The following CEP112 variants were observed in gnomAD, a reference collection of about 807,000 sequenced individuals.
CEP112 encodes centrosomal protein of 112 kDa.
CEP112 carries 127 observed loss-of-function variants against 153.0 expected under a neutral mutation model. That is an observed-to-expected ratio of 0.83 (90% CI 0.72 to 0.96). The LOEUF is 0.96. Ranked by LOEUF, CEP112 falls within the 40% of genes least tolerant of loss-of-function variation. CEP112 has a pLI of 0.00. For synonymous variants in CEP112, 358 were observed against 374.4 expected, an observed-to-expected ratio of 0.96 and a Z score of 0.51; for missense variants, 1,089 against 1,101.2, an observed-to-expected ratio of 0.99 and a Z score of 0.16.
At chr17:65,909,886 C>G (rs920785586) in intron 19 of CEP112, among the ~76,000 whole-genome samples, 1 of 152,098 alleles carries the variant, frequency 6.6e-6, no homozygotes, top group Non-Finnish European at 1.5e-5. Flanking sequence ...TTTCCAGTAT[C>G]CCAGTTTTAG....
intron 12 of CEP112, among the ~76,000 whole-genome samples, chr17:66,050,101 A>G (rs1238831878): frequency 6.6e-6 from 1 of 152,208 alleles, no homozygotes; most frequent in Non-Finnish European, 1.5e-5. Context: ...AAAATCAAAG[A>G]GATGATGTTC....
At chr17:65,785,572 G>T (rs1370252490) in intron 21 of CEP112, among the ~76,000 whole-genome samples, 1 of 152,096 alleles carries the variant, frequency 6.6e-6, no homozygotes, top group Admixed American at 6.5e-5. Context: ...CCTTCTATCT[G>T]TGGGTTGTTC....
chr17:65,815,894 T>C (rs1004555163), intron 21 of CEP112, among the ~76,000 whole-genome samples: 6 of 152,094 alleles, frequency 3.9e-5, no homozygotes, highest in Non-Finnish European at 7.4e-5. Flanking sequence ...TTTTTGCAGA[T>C]TCCTTTTATC....
chr17:65,963,670 TAG>T (rs1491207986), intron 17 of CEP112, among the ~76,000 whole-genome samples: 1 of 139,194 alleles, frequency 7.2e-6, no homozygotes, highest in African/African-American at 3.0e-5. Flanking sequence ...TAGATATAGA[TAG>T]GGGTGTGTGT....
intron 23 of CEP112, among the ~76,000 whole-genome samples, chr17:65,704,420 TACACAC>T (rs3074178): frequency 0.026 from 3,788 of 147,568 alleles, 109 homozygotes; most frequent in African/African-American, 0.081. Context: ...ACGTGTAAAA[TACACAC>T]ACACACACAC....
chr17:66,159,077 T>G (rs539906275), intron 4 of CEP112, among the ~76,000 whole-genome samples: 1 of 152,228 alleles, frequency 6.6e-6, no homozygotes, highest in South Asian at 2.1e-4. Context: ...AACACCTCTA[T>G]GCAAATAAAC....
intron 11 of CEP112, among the ~76,000 whole-genome samples, chr17:66,062,040 A>T (rs955780297): frequency 1.3e-5 from 2 of 152,066 alleles, no homozygotes; most frequent in African/African-American, 4.8e-5. Flanking sequence ...TCCTGTGTTC[A>T]TTCTCCTTGC....
intron 10 of CEP112, among the ~76,000 whole-genome samples, chr17:66,066,081 A>C (rs1026904829): frequency 2.0e-5 from 3 of 152,194 alleles, no homozygotes; most frequent in Non-Finnish European, 4.4e-5. Context: ...AAAATTTTAC[A>C]AAAGTTCCTT....
chr17:65,939,000 T>A (rs1477014437), intron 18 of CEP112, among the ~76,000 whole-genome samples: 1 of 151,990 alleles, frequency 6.6e-6, no homozygotes, highest in Non-Finnish European at 1.5e-5. Flanking sequence ...TTTGTAGAGA[T>A]GGGGTTTGAC....
chr17:65,850,921 C>G (rs1404609092), intron 21 of CEP112, among the ~76,000 whole-genome samples: 1 of 152,186 alleles, frequency 6.6e-6, no homozygotes, highest in Non-Finnish European at 1.5e-5. Context: ...AGGGCCAAAT[C>G]TGCTGAAATC....
intron 6 of CEP112, among the ~76,000 whole-genome samples, chr17:66,114,147 T>C (rs1248645551): frequency 1.3e-5 from 2 of 152,220 alleles, no homozygotes; most frequent in East Asian, 3.8e-4. Context: ...ATAAATAACA[T>C]GTTTGCACAT....
chr17:66,078,419 G>C lies in CEP112; in HGVS notation c.769-8418C>G, dbSNP rs549031672. Among the ~76,000 whole-genome samples the C allele has an allele frequency of 4.0e-5, 6 of 151,872 alleles. No individual in the cohort carries two copies. The South Asian group carries it at 1.2e-3, about 32-fold the overall frequency. ...ACTACAGACATGCGCCACCACGCCC[G>C]GCTAATTTTTGTATTTTTAGTAGAG... On this transcript the variant is annotated intron_variant, in intron 8 of 26. Coordinates refer to ENST00000535342, the MANE Select transcript of CEP112 (RefSeq NM_001199165.4).
intron 8 of CEP112, among the ~76,000 whole-genome samples, chr17:66,085,223 A>G (rs1239914721): frequency 2.0e-5 from 3 of 152,186 alleles, no homozygotes; most frequent in African/African-American, 7.2e-5. Context: ...ACACATTTAC[A>G]CAATACAAAT....
At chr17:65,845,585 T>G (rs943832677) in intron 21 of CEP112, among the ~76,000 whole-genome samples, 40 of 152,218 alleles carry the variant, frequency 2.6e-4, no homozygotes, top group African/African-American at 9.4e-4. Flanking sequence ...CCCTATTTTC[T>G]AAAATATCTT....
chr17:66,088,691 C>T (rs1490710172), intron 8 of CEP112, among the ~76,000 whole-genome samples: 1 of 152,196 alleles, frequency 6.6e-6, no homozygotes. Context: ...TGGTCCCATA[C>T]ACCAGGAGAC....
intron 21 of CEP112, among the ~76,000 whole-genome samples, chr17:65,842,470 G>A (rs1360447393): frequency 6.6e-6 from 1 of 152,106 alleles, no homozygotes; most frequent in Non-Finnish European, 1.5e-5. Context: ...GATTATTCGG[G>A]AAACTGTGAA....
intron 11 of CEP112, among the ~76,000 whole-genome samples, chr17:66,059,857 T>G (rs1568444297): frequency 6.6e-6 from 1 of 152,162 alleles, no homozygotes; most frequent in Non-Finnish European, 1.5e-5. Flanking sequence ...GTATGTTCAT[T>G]GCCATGCTAT....
At chr17:66,137,338 T>C (rs2070480683) in intron 4 of CEP112, among the ~76,000 whole-genome samples, 1 of 151,804 alleles carries the variant, frequency 6.6e-6, no homozygotes, top group African/African-American at 2.4e-5. Context: ...CATAAGAAAC[T>C]TATGAGACAC....
At chr17:66,002,446 A>C (rs1327397946) in intron 17 of CEP112, among the ~76,000 whole-genome samples, 1 of 152,170 alleles carries the variant, frequency 6.6e-6, no homozygotes, top group Non-Finnish European at 1.5e-5. Flanking sequence ...ATTCTATGGA[A>C]GGAGTATATC....
Sources: gnomAD v4.1 joint callset for allele counts (sites outside exome capture counted in the v4.1 genomes callset) on GRCh38, gnomAD v4.1.1 for gene constraint, MANE v1.5 for transcripts, NCBI Gene and HGNC (gene_info 2026-07-23, HGNC 2026-07-21) for gene names.